Variants in MGAT5 observed in about 807,000 individuals in gnomAD.
MGAT5 encodes alpha-1,6-mannosylglycoprotein 6-beta-N-acetylglucosaminyltransferase A.
Under a neutral mutation model 94.3 loss-of-function variants are expected in MGAT5, and 30 were observed. The ratio of observed to expected loss-of-function variants is 0.32; its 90% CI spans 0.24 to 0.43. The LOEUF (loss-of-function observed/expected upper bound fraction) is 0.43. Among genes scored for constraint, MGAT5 ranks in the 20% least tolerant of loss-of-function variants. MGAT5 has a pLI of 1.00. For synonymous variants in MGAT5, 310 were observed against 322.9 expected (o/e 0.96, Z 0.43); for missense variants, 691 against 905.5 (o/e 0.76, Z 3.04).
In MGAT5 at chr2:134,403,153, G is replaced by A. The variant is rs542253262; in HGVS notation, c.1530+16G>A. Reference sequence around the variant, plus strand: ...AGAAACCAAGGTAAAAATTCACCACGGATGTGGTGTTCAGGTTATTGCCAT... The same window carrying A: ...AGAAACCAAGGTAAAAATTCACCACAGATGTGGTGTTCAGGTTATTGCCAT... On this transcript the variant is annotated intron_variant, in intron 11 of 15. Transcript: ENST00000281923. 1.8e-5 allele frequency: 29 copies of A among 1,596,592 alleles called. No individual in the cohort carries two copies. The highest frequency in any genetic ancestry group is 1.8e-4 in the East Asian group (8 of 44,460).
At chr2:134,123,201 A>G (rs1019853264) in intron 1 of MGAT5, among the ~76,000 whole-genome samples, 6 of 152,000 alleles carry the variant, frequency 3.9e-5, no homozygotes, top group Non-Finnish European at 8.8e-5. Flanking sequence ...GAAATGCTAG[A>G]CTCCCCTGTT....
At chr2:134,397,792 A>G (rs1057498904) in intron 10 of MGAT5, among the ~76,000 whole-genome samples, 1 of 152,184 alleles carries the variant, frequency 6.6e-6, no homozygotes, top group Non-Finnish European at 1.5e-5. Context: ...ATAGCAGTTC[A>G]TGCAGGAGGG....
chr2:134,304,352 T>C (rs530878482), intron 2 of MGAT5, among the ~76,000 whole-genome samples: 1 of 152,290 alleles, frequency 6.6e-6, no homozygotes, highest in African/African-American at 2.4e-5. Context: ...TTATTCTGGA[T>C]ACTGGGATGG....
chr2:134,257,834 C>CT (rs1344151600), intron 1 of MGAT5, among the ~76,000 whole-genome samples: 2 of 24,322 alleles, frequency 8.2e-5, no homozygotes, highest in African/African-American at 2.8e-4. Flanking sequence ...AGTTTGCAGT[C>CT]TCTTTTTTTT....
intron 1 of MGAT5, among the ~76,000 whole-genome samples, chr2:134,126,168 C>G (rs975218631): frequency 2.0e-5 from 3 of 152,232 alleles, no homozygotes; most frequent in African/African-American, 7.2e-5. Context: ...GCACCCGTTT[C>G]CTTTCCTGCC....
At chr2:134,411,484 A>G (rs1030897760) in intron 11 of MGAT5, among the ~76,000 whole-genome samples, 4 of 152,370 alleles carry the variant, frequency 2.6e-5, no homozygotes, top group South Asian at 2.1e-4. Flanking sequence ...TATTCTTTCA[A>G]AAAACCAAAA....
intron 1 of MGAT5, among the ~76,000 whole-genome samples, chr2:134,240,374 C>CTTTTTTTT (rs1573592166): frequency 7.6e-6 from 1 of 130,854 alleles, no homozygotes; most frequent in East Asian, 2.4e-4. Flanking sequence ...TTTTTTTTTA[C>CTTTTTTTT]TATTTGTATG....
chr2:134,333,935 G>A (rs868255808), intron 4 of MGAT5, among the ~76,000 whole-genome samples: 1 of 152,026 alleles, frequency 6.6e-6, no homozygotes, highest in African/African-American at 2.4e-5. Context: ...ATTGGTTTAT[G>A]TATAATTTAA....
In MGAT5 at chr2:134,429,422, A is replaced by G. The variant is rs147800274; in HGVS notation, c.1869+983A>G. ...TTAGCAGCAAGAGAGCGCGCTCTGC[A>G]GCCAGGCCATGTGGGTTTTACTCCT... On this transcript the variant is annotated intron_variant, in intron 14 of 15. Transcript: ENST00000281923. 3.2e-3 allele frequency among the ~76,000 whole-genome samples: 492 copies of G among 152,346 alleles called. 4 individuals carry two copies. Among genetic ancestry groups the G allele is most frequent in the African/African-American group, 0.012 (479 of 41,586 alleles).
At chr2:134,216,649 A>G (rs1453243021) in intron 1 of MGAT5, among the ~76,000 whole-genome samples, 1 of 152,264 alleles carries the variant, frequency 6.6e-6, no homozygotes, top group Non-Finnish European at 1.5e-5. Context: ...TTCATCCTCG[A>G]GCTGTGTTCC....
intron 2 of MGAT5, among the ~76,000 whole-genome samples, chr2:134,273,091 A>G (rs558181992): frequency 6.6e-6 from 1 of 152,272 alleles, no homozygotes; most frequent in African/African-American, 2.4e-5. Flanking sequence ...CAAAGTGGAT[A>G]TAGATATGCT....
intron 8 of MGAT5, among the ~76,000 whole-genome samples, chr2:134,347,004 T>C (rs1437843824): frequency 6.6e-6 from 1 of 152,174 alleles, no homozygotes; most frequent in Admixed American, 6.5e-5. Context: ...CTGCGATCGC[T>C]GTTACGGGAA....
chr2:134,177,178 T>C (rs900615637), intron 1 of MGAT5, among the ~76,000 whole-genome samples: 3 of 152,188 alleles, frequency 2.0e-5, no homozygotes, highest in Admixed American at 1.3e-4. Flanking sequence ...TCTCTATTTA[T>C]AGTAATCTTG....
At chr2:134,167,821 G>A (rs1688028595) in intron 1 of MGAT5, among the ~76,000 whole-genome samples, 1 of 152,132 alleles carries the variant, frequency 6.6e-6, no homozygotes, top group Non-Finnish European at 1.5e-5. Context: ...ATAAGCTTTG[G>A]CTACAACTAT....
At position 134,410,656 on chromosome 2, in the gene MGAT5, T is replaced by A. The variant is rs1683596543; in HGVS notation, c.1531-2213T>A. 2.0e-5 allele frequency among the ~76,000 whole-genome samples: 3 copies of A among 152,262 alleles called. No homozygotes were observed. The South Asian group carries it at 6.2e-4, about 31-fold the overall frequency. ...AACAGCCTCAAATCCTTTTAATTAA[T>A]GGATTCAGATTGATCTAAAGAAGCT... On this transcript the variant is annotated intron_variant, in intron 11 of 15. Transcript: ENST00000281923.
chr2:134,145,616 G>A (rs1303140550), intron 1 of MGAT5, among the ~76,000 whole-genome samples: 2 of 152,216 alleles, frequency 1.3e-5, no homozygotes, highest in African/African-American at 4.8e-5. Flanking sequence ...AACAAGATCC[G>A]AGGAGTGAGG....
chr2:134,352,205 T>C (rs1052698357), intron 9 of MGAT5, among the ~76,000 whole-genome samples: 4 of 152,174 alleles, frequency 2.6e-5, no homozygotes, highest in Non-Finnish European at 4.4e-5. Context: ...TATATATGAA[T>C]CTATCCCAAA....
At chr2:134,430,294 T>G (rs1684811619) in intron 14 of MGAT5, among the ~76,000 whole-genome samples, 1 of 152,216 alleles carries the variant, frequency 6.6e-6, no homozygotes, top group Non-Finnish European at 1.5e-5. Context: ...TTTGAAGGCT[T>G]TTATTTCTCC....
At chr2:134,262,675 T>G (rs1484168642) in intron 1 of MGAT5, among the ~76,000 whole-genome samples, 1 of 152,238 alleles carries the variant, frequency 6.6e-6, no homozygotes, top group African/African-American at 2.4e-5. Flanking sequence ...TGTGAGCCAC[T>G]GTGCCCAACC....
Sources: allele counts gnomAD v4.1 joint callset (sites outside exome capture counted in the v4.1 genomes callset), GRCh38; gene constraint gnomAD v4.1.1; transcripts MANE v1.5; gene names NCBI Gene and HGNC (gene_info 2026-07-23, HGNC 2026-07-21).